SAMD5: variants seen among roughly 807,000 people sequenced by gnomAD.
SAMD5 encodes sterile alpha motif domain containing 5, also known as sterile alpha motif domain-containing protein 5.
In SAMD5, 13 loss-of-function variants were observed where a neutral mutation model predicts 11.3. That is an observed-to-expected ratio of 1.15 (90% CI 0.75 to 1.83). The LOEUF (loss-of-function observed/expected upper bound fraction) is 1.83. SAMD5 is among the 40% of genes most tolerant of loss of function. The probability of loss-of-function intolerance (pLI) is 0.00; values close to 1 mark genes in which losing one functional copy is unlikely to be tolerated. For synonymous variants in SAMD5, 129 were observed against 111.3 expected (o/e 1.16, Z -1.00); for missense variants, 255 against 239.1 (o/e 1.07, Z -0.44).
chr6:147,700,232 A>G (rs1791233924), intron 1 of SAMD5, among the ~76,000 whole-genome samples: 1 of 152,164 alleles, frequency 6.6e-6, no homozygotes. Context: ...CTAATTTTCA[A>G]ACCACACCTC....
In SAMD5 at chr6:147,508,916, TC is replaced by T. The variant is rs760374762; in HGVS notation, c.-10del. On this transcript the variant is annotated 5_prime_UTR_variant, in exon 1 of 2. Coordinates refer to ENST00000367474, the MANE Select transcript of SAMD5 (RefSeq NM_001030060.3). ...CTGGGAAGGTGCTCGGCGGCGGGGTTCCCGGTCCCACCATGTGCACCAACAT... is the reference window on the plus strand; with the variant it reads ...CTGGGAAGGTGCTCGGCGGCGGGGTTCCGGTCCCACCATGTGCACCAACAT... The T allele has an allele frequency of 5.0e-6, 8 of 1,586,426 alleles. No homozygotes were observed. The highest frequency in any genetic ancestry group is 6.9e-6 in the Non-Finnish European group (8 of 1,167,558).
intron 1 of SAMD5, among the ~76,000 whole-genome samples, chr6:147,723,426 C>A (rs1791582781): frequency 6.6e-6 from 1 of 152,210 alleles, no homozygotes; most frequent in Non-Finnish European, 1.5e-5. Flanking sequence ...GGATTGCCTA[C>A]CCTTCCCCTA....
At chr6:147,807,674 A>G in the SAMD5 span, among the ~76,000 whole-genome samples, 3 of 152,224 alleles carry the variant, frequency 2.0e-5, no homozygotes, top group Non-Finnish European at 2.9e-5. Flanking sequence ...TAAATTGTCC[A>G]TCGTCCTTAT....
chr6:147,695,199 C>T (rs1013581195), intron 1 of SAMD5, among the ~76,000 whole-genome samples: 3 of 152,130 alleles, frequency 2.0e-5, no homozygotes, highest in Non-Finnish European at 4.4e-5. Flanking sequence ...GGACAATGAA[C>T]AGAAATTTCT....
intron 1 of SAMD5, among the ~76,000 whole-genome samples, chr6:147,700,530 G>T (rs555253138): frequency 3.9e-5 from 6 of 152,280 alleles, no homozygotes; most frequent in African/African-American, 1.2e-4. Context: ...TGGGTAGGTT[G>T]CCCCCAAGTG....
chr6:147,545,299 C>T (rs576762848), intron 1 of SAMD5, among the ~76,000 whole-genome samples: 6 of 152,266 alleles, frequency 3.9e-5, no homozygotes, highest in African/African-American at 9.6e-5. Context: ...TGTACATTAA[C>T]GAATACGGAT....
chr6:147,790,775 TC>T, the SAMD5 span, among the ~76,000 whole-genome samples: 4 of 51,380 alleles, frequency 7.8e-5, no homozygotes, highest in African/African-American at 2.0e-4. Flanking sequence ...TCTCTTTCTC[TC>T]TCTCTCTCTC....
At chr6:147,927,388 T>C in the SAMD5 span, among the ~76,000 whole-genome samples, 6 of 152,178 alleles carry the variant, frequency 3.9e-5, no homozygotes, top group African/African-American at 7.2e-5. Flanking sequence ...CTTCTCTGGT[T>C]AGCTGTATTC....
intron 1 of SAMD5, among the ~76,000 whole-genome samples, chr6:147,605,140 A>G (rs771749987): frequency 1.3e-5 from 2 of 152,142 alleles, no homozygotes; most frequent in African/African-American, 2.4e-5. Flanking sequence ...TTTTTAACAG[A>G]CAAGGACTGG....
At chr6:147,853,001 C>G in the SAMD5 span, among the ~76,000 whole-genome samples, 1 of 152,182 alleles carries the variant, frequency 6.6e-6, no homozygotes, top group South Asian at 2.1e-4. Context: ...TGACTCACTT[C>G]CGGTTTACTG....
intron 1 of SAMD5, among the ~76,000 whole-genome samples, chr6:147,685,936 G>A (rs1165350427): frequency 1.3e-5 from 2 of 152,164 alleles, no homozygotes; most frequent in Admixed American, 1.3e-4. Flanking sequence ...GTGATTTGTA[G>A]GTGGAAAAGA....
At chr6:147,559,821 C>T (rs1409195835) in intron 1 of SAMD5, among the ~76,000 whole-genome samples, 1 of 152,138 alleles carries the variant, frequency 6.6e-6, no homozygotes, top group East Asian at 1.9e-4. Flanking sequence ...AAGAGCATAT[C>T]AGGACACGTG....
At chr6:147,892,615 G>A in the SAMD5 span, among the ~76,000 whole-genome samples, 119 of 152,094 alleles carry the variant, frequency 7.8e-4, no homozygotes, top group East Asian at 4.8e-3. Context: ...TCTCTCACAC[G>A]TAATACTTAA....
intron 1 of SAMD5, among the ~76,000 whole-genome samples, chr6:147,606,733 T>C (rs911651068): frequency 6.6e-6 from 1 of 151,788 alleles, no homozygotes; most frequent in Admixed American, 6.6e-5. Flanking sequence ...TATACATATA[T>C]ACTCTCAATT....
At chr6:147,908,789 A>T in the SAMD5 span, among the ~76,000 whole-genome samples, 1 of 152,148 alleles carries the variant, frequency 6.6e-6, no homozygotes, top group African/African-American at 2.4e-5. Context: ...CCCAATTCAA[A>T]CCCTAGTGCT....
chr6:147,607,217 A>G (rs1789716547), intron 1 of SAMD5, among the ~76,000 whole-genome samples: 1 of 152,236 alleles, frequency 6.6e-6, no homozygotes, highest in South Asian at 2.1e-4. Context: ...TTGCATGTTC[A>G]TGGATTGGAA....
intron 1 of SAMD5, chr6:147,692,462 G>A (rs1791117462): frequency 6.6e-6 from 1 of 152,116 alleles, no homozygotes; most frequent in African/African-American, 2.4e-5. Flanking sequence ...AACAGAAAGG[G>A]GTCTGTCCTG....
intron 1 of SAMD5, among the ~76,000 whole-genome samples, chr6:147,559,196 A>C (rs1183567512): frequency 6.6e-6 from 1 of 152,222 alleles, no homozygotes; most frequent in Non-Finnish European, 1.5e-5. Context: ...GGCAGCCTGC[A>C]GACCACAGCC....
intron 1 of SAMD5, among the ~76,000 whole-genome samples, chr6:147,539,671 C>G (rs375218043): frequency 2.7e-5 from 4 of 150,248 alleles, no homozygotes; most frequent in East Asian, 3.9e-4. Context: ...TATCTTAGGA[C>G]CTCTTACATG....
Sources: allele counts gnomAD v4.1 joint callset (sites outside exome capture counted in the v4.1 genomes callset), GRCh38; gene constraint gnomAD v4.1.1; transcripts MANE v1.5; gene names NCBI Gene and HGNC (gene_info 2026-07-23, HGNC 2026-07-21).